DENND1B: variants seen among roughly 807,000 people sequenced by gnomAD.
DENND1B encodes DENN domain containing 1B.
DENND1B carries 59 observed loss-of-function variants against 90.1 expected under a neutral mutation model. The ratio of observed to expected loss-of-function variants is 0.65; its 90% CI spans 0.53 to 0.81. The LOEUF is 0.81. Among genes scored for constraint, DENND1B ranks in the 40% least tolerant of loss-of-function variants. The pLI is 0.00. For missense variants in DENND1B, 862 were observed against 912.6 expected (o/e 0.94, Z 0.71); for synonymous variants, 337 against 324.6 (o/e 1.04, Z -0.41).
chr1:197,583,134 G>A lies in DENND1B; in HGVS notation c.1149+18C>T, dbSNP rs768052888. ...CAATGTTGTCTTACAAAAGAAAAATGTGGAGGTCCACTCTTACCTGCTTAA... is the reference window on the plus strand; with the variant it reads ...CAATGTTGTCTTACAAAAGAAAAATATGGAGGTCCACTCTTACCTGCTTAA... On this transcript the variant is annotated intron_variant, in intron 15 of 22. Transcript: ENST00000620048. The A allele has an allele frequency of 5.6e-6, 9 of 1,605,406 alleles. No individual in the cohort carries two copies. The highest frequency in any genetic ancestry group is 1.7e-5 in the Admixed American group (1 of 59,938).
chr1:197,663,481 C>G (rs897314126), intron 5 of DENND1B, among the ~76,000 whole-genome samples: 2 of 152,130 alleles, frequency 1.3e-5, no homozygotes, highest in African/African-American at 4.8e-5. Flanking sequence ...TGCTAACTGG[C>G]TATTTGCAGG....
Position 197,566,173 on chromosome 1 carries a change from A to ATG in DENND1B, c.1150-13062_1150-13061insCA, listed in dbSNP as rs1430130021. Among the ~76,000 whole-genome samples the ATG allele has an allele frequency of 3.3e-5, 5 of 152,018 alleles. No individual in the cohort carries two copies. In the East Asian group the frequency reaches 7.7e-4, roughly 23 times the overall value. On this transcript the variant is annotated intron_variant, in intron 15 of 22. Coordinates refer to ENST00000620048, the MANE Select transcript of DENND1B (RefSeq NM_001195215.2). Reference sequence around the variant, plus strand: ...CCTGTTGTTTCCTGACTTTTTAATGATTGCCATTCTAACTGGTGTGAGATG... The same window carrying ATG: ...CCTGTTGTTTCCTGACTTTTTAATGATGTTGCCATTCTAACTGGTGTGAGATG...
chr1:197,736,158 A>T (rs1426533781), intron 2 of DENND1B: 2 of 590,998 alleles, frequency 3.4e-6, no homozygotes, highest in Non-Finnish European at 6.1e-6. Context: ...AAAAAAAAAA[A>T]GAAAATATAG....
rs546559211 is a variant in DENND1B, at chr1:197,642,779, T to C, written c.604A>G (p.Met202Val). 44 of 1,613,692 alleles carry C rather than the reference T, an allele frequency of 2.7e-5. No homozygotes were observed. Among genetic ancestry groups the C allele is most frequent in the Non-Finnish European group, 3.1e-5 (36 of 1,179,808 alleles). The change falls in exon 10 of 23, where the codon ATG becomes GTG. Residue 202 changes from methionine (M) to valine (V), a missense_variant. By Grantham distance (21) the Met-to-Val change is conservative (BLOSUM62 1). Coordinates refer to ENST00000620048, the MANE Select transcript of DENND1B (RefSeq NM_001195215.2). ...AGCATACTGGCATACAGCTGCAGCA[T>C]GTTGTTCACATCCACGGCAACAAAA... is the stretch of plus-strand genomic sequence containing the variant. ...EYFVAVDVNNMLQLYASMLHE... is the reference protein window; with the variant it reads ...EYFVAVDVNNVLQLYASMLHE...
intron 13 of DENND1B, among the ~76,000 whole-genome samples, chr1:197,604,566 A>G (rs1368190862): frequency 6.6e-6 from 1 of 151,286 alleles, no homozygotes; most frequent in Admixed American, 6.6e-5. Context: ...ACACAATAAT[A>G]GAGTACACAT....
At chr1:197,574,064 C>T (rs1673424667) in intron 15 of DENND1B, among the ~76,000 whole-genome samples, 1 of 152,056 alleles carries the variant, frequency 6.6e-6, no homozygotes, top group Non-Finnish European at 1.5e-5. Flanking sequence ...CTCTCCTATT[C>T]AACATAGTGT....
chr1:197,562,129 T>C (rs939017407), intron 15 of DENND1B, among the ~76,000 whole-genome samples: 11 of 151,958 alleles, frequency 7.2e-5, no homozygotes, highest in Non-Finnish European at 1.5e-5. Flanking sequence ...ATAGTACTTC[T>C]GATCTTTGAA....
chr1:197,520,307 T>C (rs550405793), intron 20 of DENND1B, among the ~76,000 whole-genome samples: 10 of 151,920 alleles, frequency 6.6e-5, no homozygotes, highest in African/African-American at 1.7e-4. Context: ...TTAAAAAATA[T>C]AGGGTGAAAT....
At chr1:197,698,663 C>T (rs1658702926) in intron 3 of DENND1B, among the ~76,000 whole-genome samples, 1 of 150,670 alleles carries the variant, frequency 6.6e-6, no homozygotes, top group Non-Finnish European at 1.5e-5. Flanking sequence ...CAAAACAGAC[C>T]ATTAGCTAGA....
At chr1:197,654,292 T>C (rs1196918282) in intron 6 of DENND1B, among the ~76,000 whole-genome samples, 3 of 152,136 alleles carry the variant, frequency 2.0e-5, no homozygotes, top group Non-Finnish European at 4.4e-5. Context: ...CACTGTACTT[T>C]AATCAAAGTC....
chr1:197,561,270 A>G (rs1672140844), intron 15 of DENND1B, among the ~76,000 whole-genome samples: 1 of 151,854 alleles, frequency 6.6e-6, no homozygotes, highest in African/African-American at 2.4e-5. Flanking sequence ...TGCTAAGGTC[A>G]TCATATATCC....
chr1:197,777,631 A>G (rs1198931673), upstream of DENND1B, among the ~76,000 whole-genome samples: 2 of 152,216 alleles, frequency 1.3e-5, no homozygotes, highest in Admixed American at 6.5e-5. Flanking sequence ...AGAAGTGTAC[A>G]AAGGGCAAAC....
At chr1:197,513,737 C>T (rs537902364) in intron 20 of DENND1B, among the ~76,000 whole-genome samples, 6 of 151,466 alleles carry the variant, frequency 4.0e-5, no homozygotes, top group Non-Finnish European at 7.4e-5. Context: ...TTTTTTAGTA[C>T]GTTTCTTTGG....
intron 9 of DENND1B, 151 bp downstream of exon 9, chr1:197,645,539 T>A: frequency 2.3e-6 from 1 of 434,116 alleles, no homozygotes; most frequent in East Asian, 3.8e-5. Context: ...AAGAAAATAA[T>A]ATCTTTATTT....
intron 20 of DENND1B, among the ~76,000 whole-genome samples, chr1:197,535,476 T>C (rs1457625412): frequency 6.6e-6 from 1 of 152,156 alleles, no homozygotes; most frequent in Non-Finnish European, 1.5e-5. Flanking sequence ...TTAACAACAA[T>C]AACTGATACT....
At position 197,510,533 on chromosome 1, in the gene DENND1B, A is replaced by T; in HGVS notation, c.2255T>A (p.Leu752Ter). ...DIGLLHEVVS[L>*]CHMTSDFQQS... ...TTGGAAGTCAGATGTCATATGACAT[A>T]ATGACACTACTTCATGGAGCAGTCC... The change falls in exon 23 of 23, where the codon TTA becomes TAA. Residue 752 changes from leucine (L) to a stop codon, truncating the protein, a stop_gained. Coordinates refer to ENST00000620048, the MANE Select transcript of DENND1B (RefSeq NM_001195215.2). LOFTEE classifies it low-confidence loss of function (END_TRUNC). The T allele has an allele frequency of 6.2e-7, 1 of 1,612,370 alleles. No homozygotes were observed. The highest frequency in any genetic ancestry group is 2.2e-5 in the East Asian group (1 of 44,824).
chr1:197,699,975 G>A (rs1658856328), intron 3 of DENND1B, among the ~76,000 whole-genome samples: 2 of 151,982 alleles, frequency 1.3e-5, no homozygotes, highest in Admixed American at 6.6e-5. Flanking sequence ...ACAAACAAAC[G>A]GAAAAGCATT....
intron 20 of DENND1B, among the ~76,000 whole-genome samples, chr1:197,520,908 C>A (rs1322387863): frequency 2.0e-5 from 3 of 151,774 alleles, no homozygotes; most frequent in Non-Finnish European, 4.4e-5. Flanking sequence ...ATGAAGTGAA[C>A]ATTCGTATAA....
intron 15 of DENND1B, among the ~76,000 whole-genome samples, chr1:197,557,860 A>G (rs1175594734): frequency 6.6e-6 from 1 of 151,886 alleles, no homozygotes; most frequent in Non-Finnish European, 1.5e-5. Flanking sequence ...TAAAAGAGAT[A>G]AGAAAATTTT....
Sources: allele counts gnomAD v4.1 joint callset (sites outside exome capture counted in the v4.1 genomes callset), GRCh38; gene constraint gnomAD v4.1.1; transcripts MANE v1.5; gene names NCBI Gene and HGNC (gene_info 2026-07-23, HGNC 2026-07-21).